The following ANO4 variants were observed in gnomAD, a reference collection of about 807,000 sequenced individuals.
ANO4 encodes anoctamin 4.
Under a neutral mutation model 141.9 loss-of-function variants are expected in ANO4, and 69 were observed. The observed-to-expected ratio is 0.49, with a 90% CI of 0.40 to 0.59. The LOEUF (loss-of-function observed/expected upper bound fraction) is 0.59. Ranked by LOEUF, ANO4 falls within the 20% of genes least tolerant of loss-of-function variation. The probability of loss-of-function intolerance (pLI) is 0.00; values close to 1 mark genes in which losing one functional copy is unlikely to be tolerated. For missense variants in ANO4, 894 were observed against 1,162.2 expected, an observed-to-expected ratio of 0.77 and a Z score of 3.36; for synonymous variants, 350 against 394.3, an observed-to-expected ratio of 0.89 and a Z score of 1.33.
At chr12:100,912,897 G>A (rs901811358) in intron 2 of ANO4, among the ~76,000 whole-genome samples, 1 of 152,194 alleles carries the variant, frequency 6.6e-6, no homozygotes, top group African/African-American at 2.4e-5. Flanking sequence ...AGTTAGTGCT[G>A]TGGTTTAGAA....
Position 100,942,393 on chromosome 12 carries a change from A to G in ANO4, c.314A>G (p.Asn105Ser). ...EAGGETVPER[N>S]KSNGLYFRDG... ...TGTGTGCAGACAGTGCCAGAAAGAA[A>G]CAAATCAAATGGACTTTACTTTCGA... The change falls in exon 5 of 28, where the codon AAC (asparagine) becomes AGC (serine). Residue 105 changes from asparagine (N) to serine (S), a missense_variant. Physicochemically the swap from Asn to Ser is conservative, Grantham distance 46 (BLOSUM62 1). Coordinates refer to ENST00000392977, the MANE Select transcript of ANO4 (RefSeq NM_001286615.2). 3 of 1,613,916 alleles carry G rather than the reference A, an allele frequency of 1.9e-6. No homozygotes were observed. The highest frequency in any genetic ancestry group is 2.5e-6 in the Non-Finnish European group (3 of 1,179,938).
Position 101,121,753 on chromosome 12 carries a change from C to CT in ANO4, c.2676+1155dup, listed in dbSNP as rs71091478. 4.1e-3 allele frequency among the ~76,000 whole-genome samples: 456 copies of CT among 110,390 alleles called. 12 individuals are homozygous for CT. Among genetic ancestry groups the CT allele is most frequent in the African/African-American group, 0.014 (356 of 24,606 alleles). The allele number at this position is 110,390 out of a possible 152,430, so 72.4% of individuals were successfully genotyped here. On this transcript the variant is annotated intron_variant, in intron 26 of 27. Coordinates refer to ENST00000392977, the MANE Select transcript of ANO4 (RefSeq NM_001286615.2). ...TCGCCAGCATCTGTTAATTTGTTTA[C>CT]TTTTTTTTTTTTTTTTTTTTTTTTT...
intron 1 of ANO4, among the ~76,000 whole-genome samples, chr12:100,852,139 T>A (rs1014601558): frequency 2.0e-5 from 3 of 152,172 alleles, no homozygotes; most frequent in African/African-American, 7.2e-5. Context: ...AGCATAGATA[T>A]CTAAAAGAAA....
intron 5 of ANO4, among the ~76,000 whole-genome samples, chr12:100,948,177 AAGTT>A: frequency 1.4e-5 from 2 of 147,290 alleles, no homozygotes; most frequent in African/African-American, 2.5e-5. Flanking sequence ...AAAAAAAAAA[AAGTT>A]AGGAGACAGG....
At chr12:100,736,282 T>C (rs2031610147) in intron 2 of ANO4, among the ~76,000 whole-genome samples, 1 of 152,142 alleles carries the variant, frequency 6.6e-6, no homozygotes, top group South Asian at 2.1e-4. Context: ...ACAAACACTT[T>C]GGGGAGCTTT....
intron 5 of ANO4, among the ~76,000 whole-genome samples, chr12:100,962,532 C>T (rs987390274): frequency 1.3e-5 from 2 of 152,210 alleles, no homozygotes; most frequent in Non-Finnish European, 1.5e-5. Flanking sequence ...GTCCTCTAAT[C>T]AGGATCCCTC....
chr12:100,780,829 C>T (rs2033690034), intron 3 of ANO4, among the ~76,000 whole-genome samples: 3 of 152,220 alleles, frequency 2.0e-5, no homozygotes, highest in African/African-American at 2.4e-5. Context: ...CAGGTGTGAG[C>T]CTCTGTGCCC....
Position 100,732,903 on chromosome 12 carries a change from C to A in ANO4, c.23-871C>A, listed in dbSNP as rs930383460. On this transcript the variant is annotated intron_variant, in intron 1 of 29. Coordinates refer to the ANO4 transcript ENST00000644049. Reference sequence around the variant, plus strand: ...TGTGAGGCTTTGATTTCTTTTGCCCCCCTCTGCCTAGAACATTTTCTGTTC... The same window carrying A: ...TGTGAGGCTTTGATTTCTTTTGCCCACCTCTGCCTAGAACATTTTCTGTTC... 1.1e-4 allele frequency among the ~76,000 whole-genome samples: 17 copies of A among 152,264 alleles called. 1 individual carries two copies. Among genetic ancestry groups the A allele is most frequent in the Admixed American group, 4.6e-4 (7 of 15,298 alleles).
At chr12:100,778,966 A>C (rs953722) in intron 3 of ANO4, among the ~76,000 whole-genome samples, 101,101 of 151,338 alleles carry the variant, frequency 0.67, 33,927 homozygotes, top group East Asian at 0.78. Context: ...AGGGTGAAGA[A>C]GGGAGATTTC....
intron 3 of ANO4, among the ~76,000 whole-genome samples, chr12:100,741,404 C>G (rs1006803810): frequency 6.6e-6 from 1 of 152,194 alleles, no homozygotes; most frequent in African/African-American, 2.4e-5. Context: ...AGAATCAGCA[C>G]TGCACTTGTT....
At chr12:101,047,850 T>A (rs1200050101) in intron 13 of ANO4, 1 of 218,186 alleles carries the variant, frequency 4.6e-6, no homozygotes, top group Non-Finnish European at 7.8e-6. Context: ...CTGCTCTTTT[T>A]TATAAGGCTG....
At chr12:100,977,325 T>C (rs1213254472) in intron 7 of ANO4, among the ~76,000 whole-genome samples, 1 of 152,140 alleles carries the variant, frequency 6.6e-6, no homozygotes, top group Non-Finnish European at 1.5e-5. Flanking sequence ...ATCTGCCAAG[T>C]AGTCATTTTC....
At chr12:100,766,880 A>G (rs1254178260) in intron 3 of ANO4, among the ~76,000 whole-genome samples, 1 of 152,054 alleles carries the variant, frequency 6.6e-6, no homozygotes, top group Non-Finnish European at 1.5e-5. Context: ...TGCTTTATAT[A>G]TTTAGGTGCT....
chr12:100,790,702 T>A (rs1225748480), upstream of ANO4, among the ~76,000 whole-genome samples: 1 of 152,206 alleles, frequency 6.6e-6, no homozygotes, highest in Non-Finnish European at 1.5e-5. Context: ...TCTGTATGAT[T>A]TGATTTTGAT....
intron 1 of ANO4, among the ~76,000 whole-genome samples, chr12:100,827,051 T>C (rs1593442552): frequency 6.6e-6 from 1 of 152,168 alleles, no homozygotes; most frequent in South Asian, 2.1e-4. Context: ...GTTCTCTATA[T>C]AGTAACCAGA....
intron 1 of ANO4, among the ~76,000 whole-genome samples, chr12:100,838,706 A>C (rs1205088039): frequency 1.3e-5 from 2 of 152,152 alleles, no homozygotes; most frequent in Non-Finnish European, 2.9e-5. Flanking sequence ...CCTTCAAAGG[A>C]GTTCGATGTT....
chr12:100,959,663 T>C (rs2043324687), intron 5 of ANO4, among the ~76,000 whole-genome samples: 1 of 152,204 alleles, frequency 6.6e-6, no homozygotes, highest in Admixed American at 6.5e-5. Context: ...TGGTGAGTCA[T>C]TCCTTCCTTG....
At chr12:100,904,269 G>A (rs970499408) in intron 2 of ANO4, among the ~76,000 whole-genome samples, 1 of 152,134 alleles carries the variant, frequency 6.6e-6, no homozygotes, top group Non-Finnish European at 1.5e-5. Context: ...CCCTTGGGGA[G>A]TTTACGTAGT....
intron 5 of ANO4, among the ~76,000 whole-genome samples, chr12:100,961,629 G>T (rs1338611948): frequency 6.6e-6 from 1 of 152,154 alleles, no homozygotes; most frequent in Non-Finnish European, 1.5e-5. Context: ...TTTAATAATA[G>T]TTTTGCTTAT....
Sources: gnomAD v4.1 joint callset for allele counts (sites outside exome capture counted in the v4.1 genomes callset) on GRCh38, gnomAD v4.1.1 for gene constraint, MANE v1.5 for transcripts, NCBI Gene and HGNC (gene_info 2026-07-23, HGNC 2026-07-21) for gene names.